The following RCSD1 variants were observed in gnomAD, a reference collection of about 807,000 sequenced individuals.
RCSD1 encodes RCSD domain containing 1, also known as capZ-interacting protein.
In RCSD1, 26 loss-of-function variants were observed where a neutral mutation model predicts 42.5. The observed-to-expected ratio is 0.61, with a 90% confidence interval of 0.45 to 0.85. The LOEUF is 0.85. Among genes scored for constraint, RCSD1 ranks in the 40% least tolerant of loss-of-function variants. The pLI is 0.00. For missense variants in RCSD1, 571 were observed against 528.3 expected, an observed-to-expected ratio of 1.08 and a Z score of -0.79; for synonymous variants, 220 against 212.2, an observed-to-expected ratio of 1.04 and a Z score of -0.32.
intron 1 of RCSD1, among the ~76,000 whole-genome samples, chr1:167,634,104 C>T (rs1657769773): frequency 6.6e-6 from 1 of 152,200 alleles, no homozygotes; most frequent in Non-Finnish European, 1.5e-5. Context: ...AAATGATTAG[C>T]ATAAATAGGG....
intron 1 of RCSD1, among the ~76,000 whole-genome samples, chr1:167,669,830 A>G (rs1227166151): frequency 6.6e-6 from 1 of 152,200 alleles, no homozygotes; most frequent in Admixed American, 6.5e-5. Flanking sequence ...TCCTGACTGC[A>G]AGGGAGTCAG....
chr1:167,670,900 C>T lies in RCSD1; in HGVS notation c.7-13000C>T, dbSNP rs146342285. 1.1e-3 allele frequency among the ~76,000 whole-genome samples: 162 copies of T among 152,248 alleles called. 2 individuals carry two copies. Among genetic ancestry groups the T allele is most frequent in the African/African-American group, 3.7e-3 (154 of 41,528 alleles). ...ACAATCTCCCCTCCACTAACCATAC[C>T]CCCATCCAGGCCATCATCCTCTCTA... is the stretch of plus-strand genomic sequence containing the variant. On this transcript the variant is annotated intron_variant, in intron 1 of 6. Coordinates refer to ENST00000367854, the MANE Select transcript of RCSD1 (RefSeq NM_052862.4).
At chr1:167,664,599 A>G (rs1658610167) in intron 1 of RCSD1, 1 of 152,278 alleles carries the variant, frequency 6.6e-6, no homozygotes. Context: ...GATGTAGACC[A>G]TGATCAAGGT....
chr1:167,639,401 C>T (rs1303655203), intron 1 of RCSD1, among the ~76,000 whole-genome samples: 3 of 152,190 alleles, frequency 2.0e-5, no homozygotes, highest in Admixed American at 6.5e-5. Context: ...CAGTGGTGCT[C>T]AGCTCTCTAG....
chr1:167,657,331 A>G (rs2102211332), intron 1 of RCSD1, among the ~76,000 whole-genome samples: 1 of 152,314 alleles, frequency 6.6e-6, no homozygotes, highest in Non-Finnish European at 1.5e-5. Context: ...CTATGTTCCC[A>G]TTCTCTTTCT....
intron 1 of RCSD1, among the ~76,000 whole-genome samples, chr1:167,667,381 A>G (rs1308551218): frequency 6.6e-6 from 1 of 152,250 alleles, no homozygotes; most frequent in Non-Finnish European, 1.5e-5. Context: ...TATTCATAAT[A>G]TATTAATTCT....
chr1:167,643,432 A>C (rs1658056103), intron 1 of RCSD1, among the ~76,000 whole-genome samples: 1 of 152,254 alleles, frequency 6.6e-6, no homozygotes, highest in Non-Finnish European at 1.5e-5. Flanking sequence ...AATACTTTAC[A>C]CTTCTACCAC....
chr1:167,666,806 C>T (rs1455136839), intron 1 of RCSD1, among the ~76,000 whole-genome samples: 6 of 152,238 alleles, frequency 3.9e-5, no homozygotes, highest in Admixed American at 1.3e-4. Context: ...GTCCAACCCA[C>T]GGCCCATTGG....
rs187235155 is a variant in RCSD1, at chr1:167,673,821, T to C, written c.7-10079T>C. ...CCAGCCCCTGTGCCTACAACATGCC[T>C]TCCTCCTTCTCCCCTCATGCCCACC... On this transcript the variant is annotated intron_variant, in intron 1 of 6. Coordinates refer to ENST00000367854, the MANE Select transcript of RCSD1 (RefSeq NM_052862.4). Among the ~76,000 whole-genome samples, 349 of 152,322 alleles carry C rather than the reference T, an allele frequency of 2.3e-3. 1 individual carries two copies. The highest frequency in any genetic ancestry group is 3.9e-3 in the Non-Finnish European group (264 of 68,020).
intron 5 of RCSD1, among the ~76,000 whole-genome samples, chr1:167,696,769 G>A (rs1659506895): frequency 6.6e-6 from 1 of 152,022 alleles, no homozygotes. Flanking sequence ...TTTTTTAAGT[G>A]TCAGAATAAA....
intron 1 of RCSD1, among the ~76,000 whole-genome samples, chr1:167,655,570 G>A (rs1658405355): frequency 6.6e-6 from 1 of 152,138 alleles, no homozygotes; most frequent in Non-Finnish European, 1.5e-5. Context: ...CAAGGTGAAG[G>A]GAACACACCA....
At position 167,690,030 on chromosome 1, in the gene RCSD1, T is replaced by C. The variant is rs771913200; in HGVS notation, c.199-19T>C. 3.7e-6 allele frequency: 6 copies of C among 1,613,540 alleles called. No individual in the cohort carries two copies. The Admixed American group carries it at 8.3e-5, about 22-fold the overall frequency. On this transcript the variant is annotated intron_variant, in intron 3 of 6. Transcript: ENST00000367854. ...CCTCACCTTACTTATCTGGTTGTTT[T>C]GGTTGATTTGCTCCATAGAAATCAC...
At chr1:167,650,339 G>A (rs180959268) in intron 1 of RCSD1, among the ~76,000 whole-genome samples, 299 of 152,252 alleles carry the variant, frequency 2.0e-3, no homozygotes, top group African/African-American at 6.3e-3. Flanking sequence ...GCTGTGAGGC[G>A]TTCACCTCCC....
chr1:167,703,572 C>T (rs1890129), intron 6 of RCSD1, among the ~76,000 whole-genome samples: 36,630 of 152,072 alleles, frequency 0.24, 4,716 homozygotes, highest in Middle Eastern at 0.31. Flanking sequence ...CCAGACTCAC[C>T]CTACACATCA....
intron 1 of RCSD1, among the ~76,000 whole-genome samples, chr1:167,651,332 G>C (rs563275623): frequency 2.0e-5 from 3 of 152,286 alleles, no homozygotes; most frequent in Admixed American, 6.5e-5. Context: ...CACAGGCTCT[G>C]AACACCCGAT....
intron 1 of RCSD1, among the ~76,000 whole-genome samples, chr1:167,674,983 A>G (rs200241746): frequency 0.014 from 2,092 of 152,094 alleles, 44 homozygotes; most frequent in African/African-American, 0.047. Flanking sequence ...GAGGTGGGTG[A>G]ATCACAAAGT....
chr1:167,655,037 C>T (rs1165558879), intron 1 of RCSD1, among the ~76,000 whole-genome samples: 1 of 152,176 alleles, frequency 6.6e-6, no homozygotes, highest in Non-Finnish European at 1.5e-5. Context: ...GACTGACTTC[C>T]TGAGGTTGAG....
At chr1:167,688,814 C>CATGAAATTG (rs1659303674) in intron 3 of RCSD1, among the ~76,000 whole-genome samples, 2 of 152,290 alleles carry the variant, frequency 1.3e-5, no homozygotes, top group East Asian at 3.9e-4. Flanking sequence ...GGTCAAGGAG[C>CATGAAATTG]AGGTCATACA....
At position 167,654,418 on chromosome 1, in the gene RCSD1, C is replaced by G. The variant is rs571346319; in HGVS notation, c.6+23989C>G. Among the ~76,000 whole-genome samples, 7 of 152,206 alleles carry G rather than the reference C, an allele frequency of 4.6e-5. No individual in the cohort carries two copies. In the South Asian group the frequency reaches 1.2e-3, roughly 27 times the overall value. On this transcript the variant is annotated intron_variant, in intron 1 of 6. Transcript: ENST00000367854. ...TCTAAGGGCAGGATTTAAGTCAGTACAAGTTTATCAAGGATGATTTTATGT... is the reference window on the plus strand; with the variant it reads ...TCTAAGGGCAGGATTTAAGTCAGTAGAAGTTTATCAAGGATGATTTTATGT...
Sources: allele counts gnomAD v4.1 joint callset (sites outside exome capture counted in the v4.1 genomes callset), GRCh38; gene constraint gnomAD v4.1.1; transcripts MANE v1.5; gene names NCBI Gene and HGNC (gene_info 2026-07-23, HGNC 2026-07-21).